The following CALN1 variants were observed in gnomAD, a reference collection of about 807,000 sequenced individuals.
The protein encoded by CALN1 is calneuron 1.
In CALN1, 17 loss-of-function variants were observed where a neutral mutation model predicts 30.6. That is an observed-to-expected ratio of 0.56 (90% CI 0.38 to 0.83). The LOEUF is 0.83. CALN1 is among the 40% of genes least tolerant of loss of function. The probability of loss-of-function intolerance (pLI) is 0.00; values close to 1 mark genes in which losing one functional copy is unlikely to be tolerated. For missense variants in CALN1, 291 were observed against 354.9 expected, an observed-to-expected ratio of 0.82 and a Z score of 1.45; for synonymous variants, 156 against 131.4, an observed-to-expected ratio of 1.19 and a Z score of -1.28.
chr7:72,428,107 T>C (rs1210058216), intron 1 of CALN1, among the ~76,000 whole-genome samples: 1 of 152,194 alleles, frequency 6.6e-6, no homozygotes, highest in African/African-American at 2.4e-5. Flanking sequence ...GTCGAGACAC[T>C]CCCTGCCATG....
chr7:71,993,220 T>C (rs1263536064), intron 5 of CALN1, among the ~76,000 whole-genome samples: 1 of 152,164 alleles, frequency 6.6e-6, no homozygotes. Context: ...CCAGCCTCTG[T>C]TGCCACCTTG....
At chr7:71,830,430 C>T (rs570947468) in intron 5 of CALN1, among the ~76,000 whole-genome samples, 19 of 152,258 alleles carry the variant, frequency 1.2e-4, no homozygotes, top group African/African-American at 3.9e-4. Flanking sequence ...TCACTGCAAC[C>T]TCTGCCGCCC....
intron 2 of CALN1, among the ~76,000 whole-genome samples, chr7:72,367,232 A>C (rs527422639): frequency 6.6e-5 from 10 of 152,180 alleles, no homozygotes; most frequent in African/African-American, 9.7e-5. Flanking sequence ...CACACCTGTA[A>C]TCCAAACACT....
chr7:72,490,368 T>C, the CALN1 span, among the ~76,000 whole-genome samples: 2 of 152,170 alleles, frequency 1.3e-5, no homozygotes, highest in Non-Finnish European at 1.5e-5. Context: ...CAGAGAGGGT[T>C]ATATAGAGCA....
At chr7:72,067,390 A>G (rs1457237586) in intron 4 of CALN1, among the ~76,000 whole-genome samples, 1 of 151,896 alleles carries the variant, frequency 6.6e-6, no homozygotes, top group Non-Finnish European at 1.5e-5. Flanking sequence ...TACAGATGCT[A>G]TATTACCATG....
At chr7:72,096,071 A>G (rs1806203957) in intron 4 of CALN1, among the ~76,000 whole-genome samples, 3 of 151,742 alleles carry the variant, frequency 2.0e-5, no homozygotes, top group Non-Finnish European at 4.4e-5. Flanking sequence ...ATAGATAGAT[A>G]GATAGATAGA....
At chr7:71,996,045 A>T (rs1799236074) in intron 5 of CALN1, among the ~76,000 whole-genome samples, 1 of 152,166 alleles carries the variant, frequency 6.6e-6, no homozygotes, top group African/African-American at 2.4e-5. Flanking sequence ...CTGGGACCCC[A>T]GCAGCCCTGT....
chr7:71,871,751 C>T (rs1174439812), intron 5 of CALN1, among the ~76,000 whole-genome samples: 1 of 152,140 alleles, frequency 6.6e-6, no homozygotes, highest in Non-Finnish European at 1.5e-5. Context: ...CCTCTGGTTT[C>T]CCATCACTCA....
intron 3 of CALN1, among the ~76,000 whole-genome samples, chr7:72,122,127 G>A (rs149116422): frequency 3.8e-4 from 58 of 151,958 alleles, no homozygotes; most frequent in Non-Finnish European, 6.3e-4. Context: ...TGGCCCATAC[G>A]GCAATATTGG....
At chr7:71,871,838 T>C (rs903643210) in intron 5 of CALN1, among the ~76,000 whole-genome samples, 10 of 152,170 alleles carry the variant, frequency 6.6e-5, no homozygotes, top group African/African-American at 2.4e-4. Flanking sequence ...TCAGCTCCCC[T>C]GTTCTCCACA....
intron 2 of CALN1, among the ~76,000 whole-genome samples, chr7:72,362,762 CTTCA>C: frequency 6.6e-6 from 1 of 152,162 alleles, no homozygotes; most frequent in Non-Finnish European, 1.5e-5. Flanking sequence ...TTCTTCCTTT[CTTCA>C]AGGAAGAAAT....
chr7:72,379,899 T>C lies in CALN1; in HGVS notation c.119+23352A>G, dbSNP rs372981672. Among the ~76,000 whole-genome samples the C allele has an allele frequency of 1.3e-4, 20 of 152,316 alleles. No homozygotes were observed. In the East Asian group the frequency reaches 2.3e-3, roughly 18 times the overall value. On this transcript the variant is annotated intron_variant, in intron 2 of 6. Coordinates refer to ENST00000395275, the MANE Select transcript of CALN1 (RefSeq NM_031468.4). ...GCATGAGAATATTTTTGGAGACTGC[T>C]GGCATCACATGCAACCTTCTCCCAC...
chr7:72,117,391 G>A (rs1446725946), intron 3 of CALN1, among the ~76,000 whole-genome samples: 1 of 152,168 alleles, frequency 6.6e-6, no homozygotes, highest in Non-Finnish European at 1.5e-5. Context: ...GAGAGCATGT[G>A]ATGCTATACC....
At chr7:71,942,025 CCT>C (rs1247437426) in intron 5 of CALN1, among the ~76,000 whole-genome samples, 1 of 152,066 alleles carries the variant, frequency 6.6e-6, no homozygotes, top group African/African-American at 2.4e-5. Context: ...ATAGTGAAAC[CCT>C]GTCTCTACTA....
chr7:72,492,975 T>C, the CALN1 span, among the ~76,000 whole-genome samples: 9 of 152,206 alleles, frequency 5.9e-5, no homozygotes, highest in Non-Finnish European at 8.8e-5. Flanking sequence ...ACGAGTATTC[T>C]TTTTTACAGC....
chr7:72,021,903 G>C (rs1800730845), intron 5 of CALN1, among the ~76,000 whole-genome samples: 1 of 152,082 alleles, frequency 6.6e-6, no homozygotes, highest in Non-Finnish European at 1.5e-5. Flanking sequence ...CTTCTCTGTT[G>C]CTCCATGATC....
chr7:72,215,659 TC>T (rs1301116550), intron 3 of CALN1, among the ~76,000 whole-genome samples: 2 of 148,938 alleles, frequency 1.3e-5, no homozygotes, highest in Non-Finnish European at 3.0e-5. Flanking sequence ...ATCATTTCAA[TC>T]CCGTAATACT....
In CALN1 at chr7:72,256,459, T is replaced by C. The variant is rs371982336; in HGVS notation, c.244+22227A>G. 4.5e-4 allele frequency among the ~76,000 whole-genome samples: 68 copies of C among 151,900 alleles called. No individual in the cohort carries two copies. In the South Asian group the frequency reaches 0.011, roughly 26 times the overall value. ...TGGGTGAAGAGCAAGACCCCATCTC[T>C]AAAAAAGAAAAAAGAAGCACATGCA... On this transcript the variant is annotated intron_variant, in intron 3 of 6. Coordinates refer to ENST00000395275, the MANE Select transcript of CALN1 (RefSeq NM_031468.4).
At chr7:72,314,062 C>T (rs1800244959) in intron 2 of CALN1, among the ~76,000 whole-genome samples, 1 of 152,146 alleles carries the variant, frequency 6.6e-6, no homozygotes, top group African/African-American at 2.4e-5. Context: ...TGCAGGCCAG[C>T]CTTGGCAGCA....
Sources: allele counts gnomAD v4.1 joint callset (sites outside exome capture counted in the v4.1 genomes callset), GRCh38; gene constraint gnomAD v4.1.1; transcripts MANE v1.5; gene names NCBI Gene and HGNC (gene_info 2026-07-23, HGNC 2026-07-21).